Variants in DLG2 observed in about 807,000 individuals in gnomAD.
The protein encoded by DLG2 is discs large MAGUK scaffold protein 2, also known as disks large homolog 2.
In DLG2, 45 loss-of-function variants were observed where a neutral mutation model predicts 132.5. That is an observed-to-expected ratio of 0.34 (90% CI 0.27 to 0.44). DLG2 has a LOEUF of 0.44. Ranked by LOEUF, DLG2 falls within the 20% of genes least tolerant of loss-of-function variation. The pLI is 1.00. For synonymous variants in DLG2, 424 were observed against 419.6 expected (o/e 1.01, Z -0.13); for missense variants, 1,045 against 1,196.9 (o/e 0.87, Z 1.87).
chr11:84,048,853 C>T (rs1019347002), intron 11 of DLG2, among the ~76,000 whole-genome samples: 7 of 151,566 alleles, frequency 4.6e-5, no homozygotes, highest in African/African-American at 1.7e-4. Flanking sequence ...AAAACACACA[C>T]ACACACTATT....
At chr11:84,744,516 A>G (rs1452282660) in intron 6 of DLG2, among the ~76,000 whole-genome samples, 6 of 152,222 alleles carry the variant, frequency 3.9e-5, no homozygotes, top group Non-Finnish European at 7.3e-5. Context: ...TGCACTAATT[A>G]GGGAATTTAC....
intron 3 of DLG2, among the ~76,000 whole-genome samples, chr11:85,331,416 T>C (rs2081737720): frequency 6.6e-6 from 1 of 152,232 alleles, no homozygotes; most frequent in Non-Finnish European, 1.5e-5. Context: ...TCTTTTTCTT[T>C]ATTACATTTT....
intron 14 of DLG2, among the ~76,000 whole-genome samples, chr11:83,936,628 T>C (rs2081498869): frequency 6.6e-6 from 1 of 152,212 alleles, no homozygotes; most frequent in East Asian, 1.9e-4. Flanking sequence ...ATTGGAAGAT[T>C]GAGGAGACAA....
At chr11:85,007,301 G>T (rs558105779) in intron 6 of DLG2, among the ~76,000 whole-genome samples, 1 of 152,268 alleles carries the variant, frequency 6.6e-6, no homozygotes, top group South Asian at 2.1e-4. Flanking sequence ...CTAGATAAAA[G>T]AGAAAAGTAT....
chr11:84,469,671 C>T (rs1011763319), intron 7 of DLG2, among the ~76,000 whole-genome samples: 8 of 151,346 alleles, frequency 5.3e-5, no homozygotes, highest in African/African-American at 1.7e-4. Context: ...TAATTATAGA[C>T]AAAATAGATA....
intron 15 of DLG2, among the ~76,000 whole-genome samples, chr11:83,892,440 T>C (rs1372048239): frequency 8.5e-5 from 13 of 152,208 alleles, no homozygotes; most frequent in Admixed American, 7.9e-4. Flanking sequence ...AGGCAAATAT[T>C]AAATGTAAAA....
Position 85,190,636 on chromosome 11 carries a change from G to A in DLG2, c.187-35985C>T, listed in dbSNP as rs1028207986. On this transcript the variant is annotated intron_variant, in intron 4 of 27. Transcript: ENST00000376104. ...TGCTAGCTAGATTAATAAAGAAAAA[G>A]AGAAGATCCAAATAAACACAATCAG... 2.6e-5 allele frequency among the ~76,000 whole-genome samples: 4 copies of A among 152,046 alleles called. No homozygotes were observed. In the South Asian group the frequency reaches 6.2e-4, roughly 24 times the overall value.
intron 9 of DLG2, among the ~76,000 whole-genome samples, chr11:84,115,170 G>A (rs892997245): frequency 2.6e-5 from 4 of 152,220 alleles, no homozygotes; most frequent in South Asian, 2.1e-4. Context: ...AAATGTCAAC[G>A]CTAGGTTAAG....
At chr11:85,055,374 G>C (rs1167709744) in intron 6 of DLG2, among the ~76,000 whole-genome samples, 1 of 152,142 alleles carries the variant, frequency 6.6e-6, no homozygotes, top group Admixed American at 6.5e-5. Context: ...TCATAAACAA[G>C]TCACGAAGTC....
intron 6 of DLG2, among the ~76,000 whole-genome samples, chr11:84,631,891 G>GTAAAAAACTTTTAC (rs2099632781): frequency 6.6e-6 from 1 of 152,036 alleles, no homozygotes. Context: ...AACTTCTCTG[G>GTAAAAAACTTTTAC]CATAGTTTTT....
intron 6 of DLG2, among the ~76,000 whole-genome samples, chr11:84,779,666 TAAAC>T (rs1183894807): frequency 6.6e-6 from 1 of 151,708 alleles, no homozygotes; most frequent in South Asian, 2.1e-4. Context: ...AATAACCAAA[TAAAC>T]AAAATCAGAA....
chr11:84,168,967 C>G (rs1214305566), intron 8 of DLG2, among the ~76,000 whole-genome samples: 1 of 152,130 alleles, frequency 6.6e-6, no homozygotes, highest in Non-Finnish European at 1.5e-5. Flanking sequence ...GCTCTTTACA[C>G]TTGACCTTAC....
At chr11:83,460,698 TA>T (rs550929109) in intron 27 of DLG2, among the ~76,000 whole-genome samples, 245 of 152,310 alleles carry the variant, frequency 1.6e-3, no homozygotes, top group Admixed American at 4.3e-3. Context: ...CACTAGGTCT[TA>T]AAAATAAATT....
chr11:84,929,025 T>TATATATATATAC (rs2047786455), intron 6 of DLG2, among the ~76,000 whole-genome samples: 1 of 128,414 alleles, frequency 7.8e-6, no homozygotes, highest in Non-Finnish European at 1.6e-5. Context: ...TATATATATA[T>TATATATATATAC]TACTGTGAAT....
At chr11:84,230,570 T>C (rs1270744026) in intron 8 of DLG2, among the ~76,000 whole-genome samples, 1 of 152,170 alleles carries the variant, frequency 6.6e-6, no homozygotes, top group Admixed American at 6.5e-5. Context: ...AATTTTTAAA[T>C]ACATAAGACA....
At chr11:85,021,757 T>C in intron 6 of DLG2, 1 of 597,294 alleles carries the variant, frequency 1.7e-6, no homozygotes, top group Admixed American at 2.8e-5. Flanking sequence ...CTGAGTCTCC[T>C]ACTCCTGGGT....
rs572321871 is a variant in DLG2, at chr11:85,047,077, G to T, written c.357+64584C>A. ...TTATCTCTTAGTGGCACAAATGTAGGTGAGTTCTATTTTCTTCTTTCTTCT... is the reference window on the plus strand; with the variant it reads ...TTATCTCTTAGTGGCACAAATGTAGTTGAGTTCTATTTTCTTCTTTCTTCT... On this transcript the variant is annotated intron_variant, in intron 6 of 27. Coordinates refer to ENST00000376104, the MANE Select transcript of DLG2 (RefSeq NM_001142699.3). Among the ~76,000 whole-genome samples, 5 of 151,990 alleles carry T rather than the reference G, an allele frequency of 3.3e-5. No homozygotes were observed. The South Asian group carries it at 8.3e-4, about 25-fold the overall frequency.
chr11:83,978,895 G>A (rs757272026), intron 12 of DLG2, among the ~76,000 whole-genome samples: 3 of 152,128 alleles, frequency 2.0e-5, no homozygotes, highest in Non-Finnish European at 4.4e-5. Flanking sequence ...TAGCTTGGTA[G>A]TAATGAGTGG....
At chr11:84,660,770 T>C (rs2099693676) in intron 6 of DLG2, among the ~76,000 whole-genome samples, 1 of 152,112 alleles carries the variant, frequency 6.6e-6, no homozygotes, top group African/African-American at 2.4e-5. Context: ...ACCCAAGCAA[T>C]AGGAAGTACA....
Sources: gnomAD v4.1 joint callset for allele counts (sites outside exome capture counted in the v4.1 genomes callset) on GRCh38, gnomAD v4.1.1 for gene constraint, MANE v1.5 for transcripts, NCBI Gene and HGNC (gene_info 2026-07-23, HGNC 2026-07-21) for gene names.